TOGARAM2: variants seen among roughly 807,000 people sequenced by gnomAD.
TOGARAM2 encodes the protein TOG array regulator of axonemal microtubules 2, also known as TOG array regulator of axonemal microtubules protein 2.
Under a neutral mutation model 93.3 loss-of-function variants are expected in TOGARAM2, and 85 were observed. The ratio of observed to expected loss-of-function variants is 0.91; its 90% CI spans 0.76 to 1.09. TOGARAM2 has a LOEUF of 1.09. TOGARAM2 is among the 50% of genes least tolerant of loss of function. The pLI, the probability that TOGARAM2 is intolerant of heterozygous loss-of-function variation, is 0.00. For synonymous variants in TOGARAM2, 593 were observed against 552.8 expected (o/e 1.07, Z -1.02); for missense variants, 1,277 against 1,334.5 (o/e 0.96, Z 0.67).
chr2:28,967,823 TAGATGGAGTC>T (rs1671888192), intron 1 of TOGARAM2, among the ~76,000 whole-genome samples: 1 of 148,178 alleles, frequency 6.7e-6, no homozygotes, highest in African/African-American at 2.5e-5. Context: ...TTTTTTTTTT[TAGATGGAGTC>T]TTGCTCTGTC....
chr2:29,014,101 A>T (rs1558433420), intron 7 of TOGARAM2, among the ~76,000 whole-genome samples: 1 of 152,150 alleles, frequency 6.6e-6, no homozygotes, highest in South Asian at 2.1e-4. Context: ...GAAATGTCTT[A>T]CATCTCCTGG....
chr2:28,994,858 C>T lies in TOGARAM2; in HGVS notation c.24C>T (p.Pro8=), dbSNP rs1335472051. The T allele has an allele frequency of 7.1e-6, 11 of 1,552,464 alleles. No homozygotes were observed. Among genetic ancestry groups the T allele is most frequent in the Admixed American group, 2.0e-5 (1 of 51,114 alleles). Residue 8 remains proline (P), a synonymous_variant, in exon 2 of 20, where the codon CCC becomes CCT. Coordinates refer to ENST00000379558, the MANE Select transcript of TOGARAM2 (RefSeq NM_199280.4). Reference sequence around the variant, plus strand: ...ACATGGGCACCCGTGACGATGTCCCCGAAGGTAAGGGGCACCATGGGAGGC... The same window carrying T: ...ACATGGGCACCCGTGACGATGTCCCTGAAGGTAAGGGGCACCATGGGAGGC... The part of the protein sequence containing the change: MGTRDDV[P]EAKVLVPVAV...
chr2:28,973,953 T>C (rs1671990531), intron 1 of TOGARAM2, among the ~76,000 whole-genome samples: 1 of 152,182 alleles, frequency 6.6e-6, no homozygotes, highest in African/African-American at 2.4e-5. Context: ...AATAGATTTG[T>C]TTTTCTTTCA....
intron 14 of TOGARAM2, among the ~76,000 whole-genome samples, chr2:29,032,439 A>G (rs1665823584): frequency 6.6e-6 from 1 of 152,114 alleles, no homozygotes; most frequent in Non-Finnish European, 1.5e-5. Flanking sequence ...CTCACCTGCC[A>G]CCACTGTTCA....
intron 10 of TOGARAM2, 127 bp downstream of exon 10, chr2:29,018,083 A>G: frequency 1.8e-6 from 2 of 1,097,750 alleles, no homozygotes; most frequent in Non-Finnish European, 2.5e-6. Context: ...ACCAGGAGGC[A>G]GCCTGGGGTG....
At position 28,960,988 on chromosome 2, in the gene TOGARAM2, G is replaced by T. The variant is rs144443025; in HGVS notation, c.-147+4291G>T. ...ACTTCATACCGGAACACACCAAGAGGCAAGATAATGACAAAGTCTTTCTTT... is the reference window on the plus strand; with the variant it reads ...ACTTCATACCGGAACACACCAAGAGTCAAGATAATGACAAAGTCTTTCTTT... On this transcript the variant is annotated intron_variant, in intron 1 of 6. Transcript: ENST00000401723. Among the ~76,000 whole-genome samples, 237 of 152,302 alleles carry T rather than the reference G, an allele frequency of 1.6e-3. 3 individuals are homozygous for T. Among genetic ancestry groups the T allele is most frequent in the African/African-American group, 5.3e-3 (222 of 41,562 alleles).
chr2:29,037,839 T>C (rs957063290), intron 18 of TOGARAM2, among the ~76,000 whole-genome samples: 3 of 152,218 alleles, frequency 2.0e-5, no homozygotes, highest in Non-Finnish European at 2.9e-5. Flanking sequence ...TCAGCATTGC[T>C]CTGGGTAAGT....
intron 2 of TOGARAM2, among the ~76,000 whole-genome samples, chr2:28,997,419 C>T (rs1257483900): frequency 5.9e-5 from 9 of 152,178 alleles, no homozygotes; most frequent in African/African-American, 1.9e-4. Context: ...CATCTCTGGC[C>T]GGGCTCCCAG....
At chr2:28,971,432 G>T (rs181324508) in intron 1 of TOGARAM2, among the ~76,000 whole-genome samples, 2 of 151,958 alleles carry the variant, frequency 1.3e-5, no homozygotes, top group African/African-American at 4.8e-5. Flanking sequence ...GGCTGTTCTC[G>T]AACTCCCCAG....
At chr2:29,025,734 C>A (rs769910623) in intron 13 of TOGARAM2, among the ~76,000 whole-genome samples, 13 of 152,086 alleles carry the variant, frequency 8.5e-5, no homozygotes, top group Non-Finnish European at 1.5e-4. Flanking sequence ...ACACAGAGGC[C>A]CTTAGAAAGA....
At chr2:29,029,804 T>G (rs189956066) in intron 14 of TOGARAM2, among the ~76,000 whole-genome samples, 1 of 148,180 alleles carries the variant, frequency 6.7e-6, no homozygotes, top group Non-Finnish European at 1.5e-5. Context: ...CAGGAGGAAC[T>G]AGTGGCAAGG....
chr2:29,001,641 C>T (rs1310226386), intron 4 of TOGARAM2, among the ~76,000 whole-genome samples: 1 of 152,160 alleles, frequency 6.6e-6, no homozygotes, highest in Admixed American at 6.5e-5. Context: ...GCTGGGACTA[C>T]AGGCATGTGC....
At position 29,045,416 on chromosome 2, in the gene TOGARAM2, C is replaced by G; in HGVS notation, c.2722+6C>G. ...TGTCACAGATCGCCTGGCAGGTGAG[C>G]ACCCCCAGCCCCACCCCACCCCATC... On this transcript the variant is annotated splice_donor_region_variant and intron_variant, in intron 19 of 19. Transcript: ENST00000379558. The G allele has an allele frequency of 6.2e-7, 1 of 1,611,790 alleles. No individual in the cohort carries two copies. The highest frequency in any genetic ancestry group is 1.3e-5 in the African/African-American group (1 of 75,004).
At chr2:29,050,445 G>C (rs1666999913) in intron 19 of TOGARAM2, 1 of 152,238 alleles carries the variant, frequency 6.6e-6, no homozygotes, top group Non-Finnish European at 1.5e-5. Flanking sequence ...GCGGTAGAAA[G>C]AGTGTGGACT....
intron 6 of TOGARAM2, among the ~76,000 whole-genome samples, chr2:29,004,088 C>T (rs1187814188): frequency 3.3e-5 from 5 of 152,164 alleles, no homozygotes; most frequent in Non-Finnish European, 5.9e-5. Context: ...CTCCGCCTCC[C>T]GGGTTCAAGC....
upstream of TOGARAM2, among the ~76,000 whole-genome samples, chr2:28,977,624 G>A (rs768448360): frequency 1.4e-4 from 22 of 152,144 alleles, no homozygotes; most frequent in African/African-American, 2.9e-4. Flanking sequence ...GGTTGGTGTC[G>A]CTCTCTCAAC....
intron 1 of TOGARAM2, among the ~76,000 whole-genome samples, chr2:28,958,299 T>C (rs1671754293): frequency 7.3e-6 from 1 of 137,692 alleles, no homozygotes; most frequent in Non-Finnish European, 1.6e-5. Context: ...CTAGACCTTG[T>C]TTTTTTTTTT....
At chr2:28,973,469 C>CCTGCCTTCCTTCCTT (rs1228397240) in intron 1 of TOGARAM2, among the ~76,000 whole-genome samples, 3 of 80,868 alleles carry the variant, frequency 3.7e-5, no homozygotes, top group Non-Finnish European at 8.2e-5. Flanking sequence ...CTTCCTTCCT[C>CCTGCCTTCCTTCCTT]CCTCCCTCCC....
chr2:28,990,558 A>AATGC (rs1672670945), intron 1 of TOGARAM2, among the ~76,000 whole-genome samples: 1 of 152,136 alleles, frequency 6.6e-6, no homozygotes, highest in Admixed American at 6.5e-5. Context: ...CTCGGCCTGG[A>AATGC]ATGCCATTCC....
Sources: allele counts gnomAD v4.1 joint callset (sites outside exome capture counted in the v4.1 genomes callset), GRCh38; gene constraint gnomAD v4.1.1; transcripts MANE v1.5; gene names NCBI Gene and HGNC (gene_info 2026-07-23, HGNC 2026-07-21).